Variants in FBXL22 observed in about 807,000 individuals in gnomAD.
FBXL22 encodes F-box and leucine rich repeat protein 22.
Under a neutral mutation model 11.7 loss-of-function variants are expected in FBXL22, and 13 were observed. The observed-to-expected ratio is 1.11, with a 90% CI of 0.73 to 1.77. The LOEUF is 1.77. FBXL22 is among the 40% of genes most tolerant of loss of function. The pLI is 0.00. For missense variants in FBXL22, 406 were observed against 320.4 expected, an observed-to-expected ratio of 1.27 and a Z score of -2.04; for synonymous variants, 160 against 144.1, an observed-to-expected ratio of 1.11 and a Z score of -0.79.
At chr15:63,601,302 TG>T, downstream of FBXL22, 1 of 1,586,798 alleles carries the variant, frequency 6.3e-7, no homozygotes, top group Non-Finnish European at 8.5e-7. Context: ...CCAGGCTTTC[TG>T]CTGTGCGCTC....
downstream of FBXL22, chr15:63,601,636 A>G (rs1189313841): frequency 6.2e-6 from 10 of 1,605,458 alleles, no homozygotes; most frequent in Non-Finnish European, 8.5e-6. Flanking sequence ...TTTTGCCCGC[A>G]CGCGCGTCTG....
chr15:63,602,469 C>A (rs917363612), downstream of FBXL22: 4 of 151,734 alleles, frequency 2.6e-5, no homozygotes, highest in African/African-American at 9.7e-5. Context: ...CACCTGTAGT[C>A]CCAGCTACTC....
intron 1 of FBXL22, chr15:63,600,356 C>T: frequency 9.2e-7 from 1 of 1,086,672 alleles, no homozygotes; most frequent in Non-Finnish European, 1.1e-6. Flanking sequence ...CAGAGCGAAA[C>T]AAAGAGTCAA....
At chr15:63,603,166 C>T (rs1052733827), downstream of FBXL22, among the ~76,000 whole-genome samples, 3 of 152,178 alleles carry the variant, frequency 2.0e-5, no homozygotes, top group African/African-American at 7.2e-5. Flanking sequence ...AAAATTACTT[C>T]AAAATGGCTA....
downstream of FBXL22, among the ~76,000 whole-genome samples, chr15:63,603,619 T>C (rs4438258): frequency 0.13 from 19,447 of 152,212 alleles, 1,366 homozygotes; most frequent in Middle Eastern, 0.17. Context: ...CCAGCGGCCC[T>C]GGATTTTGTT....
Position 63,597,853 on chromosome 15 carries a change from C to T in FBXL22, c.353+108C>T, listed in dbSNP as rs571432318. On this transcript the variant is annotated intron_variant, in intron 1 of 1. Transcript: ENST00000638704. The surrounding 1 kb of genome is among the most constrained non-coding windows in gnomAD (Gnocchi z 4.3). The stretch of plus-strand genomic sequence containing the variant: ...GACCAAGATGGCTCCACCTTCGGGG[C>T]GCCTCAAACTAGGCCCAAGGCAGAC... 5.0e-5 allele frequency: 54 copies of T among 1,085,396 alleles called. No homozygotes were observed. Among genetic ancestry groups the T allele is most frequent in the African/African-American group, 1.3e-4 (8 of 63,048 alleles). 67.2% of individuals were successfully genotyped at this position (1,085,396 alleles called of 1,614,324 possible). A position where few individuals can be genotyped will look rare whatever the true frequency, so the allele number is the denominator to read the frequency against.
At chr15:63,601,425 G>A (rs2067369727), downstream of FBXL22, 2 of 1,585,778 alleles carry the variant, frequency 1.3e-6, no homozygotes, top group African/African-American at 1.4e-5. Context: ...ACTTGCGCTC[G>A]GGGGTGACGG....
chr15:63,597,785 G>A lies in FBXL22; in HGVS notation c.353+40G>A, dbSNP rs1253360993. 6.6e-7 allele frequency: 1 copy of A among 1,517,696 alleles called. No individual in the cohort carries two copies. Among genetic ancestry groups the A allele is most frequent in the Non-Finnish European group, 8.8e-7 (1 of 1,129,956 alleles). The allele number at this position is 1,517,696 out of a possible 1,614,324, so 94.0% of individuals were successfully genotyped here. ...CTCCTGAGCAGTGCTGGCCCCGCTA[G>A]CTCTGGCTTCCCTCTTGGGGGGCAG... is the stretch of plus-strand genomic sequence containing the variant. On this transcript the variant is annotated intron_variant, in intron 1 of 1. Coordinates refer to ENST00000638704, the MANE Select transcript of FBXL22 (RefSeq NM_001367807.1). The surrounding 1 kb of genome is among the most constrained non-coding windows in gnomAD (Gnocchi z 4.3).
intron 1 of FBXL22, chr15:63,600,426 G>C (rs1426563510): frequency 1.7e-6 from 2 of 1,193,652 alleles, no homozygotes; most frequent in Non-Finnish European, 2.1e-6. Flanking sequence ...GACTCTGCTG[G>C]GCCGGGGTCG....
chr15:63,606,121 A>G (rs185107456), downstream of FBXL22, among the ~76,000 whole-genome samples: 1 of 152,328 alleles, frequency 6.6e-6, no homozygotes, highest in African/African-American at 2.4e-5. Context: ...GGGCACACCT[A>G]TGATCCAACT....
At position 63,601,188 on chromosome 15, in the gene FBXL22, G is replaced by C. The variant is rs555765039; in HGVS notation, c.*149G>C. On this transcript the variant is annotated 3_prime_UTR_variant, in exon 2 of 2. Coordinates refer to ENST00000638704, the MANE Select transcript of FBXL22 (RefSeq NM_001367807.1). The stretch of plus-strand genomic sequence containing the variant: ...GTGGGGATAAGAAAGCCTACCTCAC[G>C]TTACGATTTTATACATAGGATAAAC... 1.0e-5 allele frequency: 15 copies of C among 1,464,974 alleles called. No homozygotes were observed. The African/African-American group carries it at 1.6e-4, about 16-fold the overall frequency. The allele number at this position is 1,464,974 out of a possible 1,614,324, so 90.7% of individuals were successfully genotyped here. A position where few individuals can be genotyped will look rare whatever the true frequency, so the allele number is the denominator to read the frequency against.
At position 63,597,666 on chromosome 15, in the gene FBXL22, CTCAAGAGTG is replaced by C; in HGVS notation, c.275_283del (p.Leu92_Ala95delinsPro). 1 of 1,605,876 alleles carries C rather than the reference CTCAAGAGTG, an allele frequency of 6.2e-7. No individual in the cohort carries two copies. Among genetic ancestry groups the C allele is most frequent in the Non-Finnish European group, 8.5e-7 (1 of 1,174,238 alleles). ...GCAGGTGTGCAGCATTGAGGACTGG[CTCAAGAGTG>C]CCTTCCAGAGAAGCATCTGCAGCCG... On this transcript the variant is annotated inframe_deletion, in exon 1 of 2. Transcript: ENST00000638704. This position sits in a 1 kb window ranked among gnomAD's most constrained non-coding sequence, Gnocchi z 4.3.
intron 1 of FBXL22, among the ~76,000 whole-genome samples, chr15:63,598,016 A>T (rs1456712710): frequency 6.6e-6 from 1 of 152,176 alleles, no homozygotes; most frequent in Non-Finnish European, 1.5e-5. Flanking sequence ...ACTGGTAGTC[A>T]TTAAGTGCTG....
At chr15:63,602,832 G>A (rs1304842656), downstream of FBXL22, among the ~76,000 whole-genome samples, 1 of 152,202 alleles carries the variant, frequency 6.6e-6, no homozygotes, top group African/African-American at 2.4e-5. Context: ...CATGTGCAAG[G>A]AGATCAGAGT....
At position 63,600,760 on chromosome 15, in the gene FBXL22, G is replaced by A. The variant is rs531293000; in HGVS notation, c.417G>A (p.Ala139=). Residue 139 remains alanine (A), a synonymous_variant, in exon 2 of 2, where the codon GCG becomes GCA. Transcript: ENST00000638704. ...GCGHVTDDCL[A]RLLRCCPRLR... ...GCCACGTTACCGACGACTGCCTGGC[G>A]CGCCTGCTGCGCTGCTGCCCACGCC... 28 of 1,231,436 alleles carry A rather than the reference G, an allele frequency of 2.3e-5. No individual in the cohort carries two copies. In the African/African-American group the frequency reaches 3.1e-4, roughly 14 times the overall value. The allele number at this position is 1,231,436 out of a possible 1,614,324, so 76.3% of individuals were successfully genotyped here.
chr15:63,598,526 C>T (rs1031337915), intron 1 of FBXL22, among the ~76,000 whole-genome samples: 5 of 152,200 alleles, frequency 3.3e-5, no homozygotes, highest in African/African-American at 1.2e-4. Flanking sequence ...ATGGGCAGAG[C>T]GGCCCAGGCA....
downstream of FBXL22, among the ~76,000 whole-genome samples, chr15:63,606,671 T>C (rs889817121): frequency 1.3e-5 from 2 of 152,282 alleles, no homozygotes; most frequent in Non-Finnish European, 2.9e-5. Flanking sequence ...CTGGGCAACA[T>C]AGTGAGACCC....
rs777085649 is a variant in FBXL22, at chr15:63,597,435, G to A, written c.43G>A (p.Glu15Lys). 13 of 1,613,706 alleles carry A rather than the reference G, an allele frequency of 8.1e-6. No individual in the cohort carries two copies. The East Asian group carries it at 2.7e-4, about 33-fold the overall frequency. ...CATGCACATAACCCAGCTCAACCGG[G>A]AGTGCCTGCTGCACCTCTTCTCCTT... The part of the protein sequence containing the change: ...LTMHITQLNR[E>K]CLLHLFSFLD... Residue 15 changes from glutamate to lysine, a missense_variant, in exon 1 of 2, where the codon GAG (glutamate) becomes AAG (lysine). Glu to Lys is a moderately conservative substitution (Grantham distance 56). Coordinates refer to ENST00000638704, the MANE Select transcript of FBXL22 (RefSeq NM_001367807.1). The surrounding 1 kb of genome is among the most constrained non-coding windows in gnomAD (Gnocchi z 4.3).
chr15:63,600,822 C>G lies in FBXL22; in HGVS notation c.479C>G (p.Thr160Ser). 1.6e-6 allele frequency: 2 copies of G among 1,230,790 alleles called. No homozygotes were observed. Among genetic ancestry groups the G allele is most frequent in the Admixed American group, 4.2e-5 (1 of 23,688 alleles). The allele number at this position is 1,230,790 out of a possible 1,614,324, so 76.2% of individuals were successfully genotyped here. ...ALRLENCARV[T>S]NRTLAAVAAD... ...CGCCTGGAGAACTGCGCGCGCGTCA[C>G]CAACCGCACGTTGGCTGCCGTGGCG... Residue 160 changes from threonine (T) to serine (S), a missense_variant, in exon 2 of 2, where the codon ACC becomes AGC. By Grantham distance (58) the Thr-to-Ser change is moderately conservative. Transcript: ENST00000638704.
Sources: allele counts gnomAD v4.1 joint callset (sites outside exome capture counted in the v4.1 genomes callset), GRCh38; gene constraint gnomAD v4.1.1; non-coding constraint Gnocchi (gnomAD v3.1); transcripts MANE v1.5; gene names NCBI Gene and HGNC (gene_info 2026-07-23, HGNC 2026-07-21).